The following DTL variants were observed in gnomAD, a reference collection of about 807,000 sequenced individuals.
The protein encoded by DTL is denticleless E3 ubiquitin protein ligase adapter, also known as denticleless protein homolog.
A neutral mutation model predicts 87.0 loss-of-function variants in DTL; 46 were observed. The ratio of observed to expected loss-of-function variants is 0.53; its 90% CI spans 0.42 to 0.68. The LOEUF (loss-of-function observed/expected upper bound fraction) is 0.68, where lower values mean the gene tolerates loss of function less well. DTL is among the 30% of genes least tolerant of loss of function. DTL has a pLI of 0.00. For missense variants in DTL, 737 were observed against 869.4 expected (o/e 0.85, Z 1.91); for synonymous variants, 308 against 311.2 (o/e 0.99, Z 0.11).
intron 8 of DTL, 97 bp from the exon 9 acceptor site, chr1:212,068,127 G>A: frequency 1.4e-6 from 1 of 712,012 alleles, no homozygotes; most frequent in Non-Finnish European, 2.4e-6. Context: ...TAATGTGCCA[G>A]AGGAGTTAGA....
chr1:212,097,026 TG>T (rs113309999), intron 13 of DTL, among the ~76,000 whole-genome samples: 184 of 152,342 alleles, frequency 1.2e-3, no homozygotes, highest in African/African-American at 4.2e-3. Flanking sequence ...TAGCAGTTTT[TG>T]TAAACTATGC....
In DTL at chr1:212,043,016, C is replaced by G; in HGVS notation, c.76C>G (p.Gln26Glu). The G allele has an allele frequency of 1.9e-6, 3 of 1,611,406 alleles. 1 individual carries two copies. Residue 26 changes from glutamine (Q) to glutamate (E), a missense_variant, in exon 2 of 15, where the codon CAA becomes GAA. By Grantham distance (29) the Gln-to-Glu change is conservative (BLOSUM62 2). Coordinates refer to ENST00000366991, the MANE Select transcript of DTL (RefSeq NM_016448.4). ...RNGWSSQYPL[Q>E]SLLTGYQCSG... Reference sequence around the variant, plus strand: ...AGGATGGTCTTCACAATACCCTCTTCAATCCCTTCTGACTGGTTATCAGTG... The same window carrying G: ...AGGATGGTCTTCACAATACCCTCTTGAATCCCTTCTGACTGGTTATCAGTG...
chr1:212,069,840 G>A (rs755219126), intron 10 of DTL, among the ~76,000 whole-genome samples: 17 of 152,042 alleles, frequency 1.1e-4, no homozygotes, highest in Non-Finnish European at 2.2e-4. Flanking sequence ...CACCATGCCC[G>A]GCCCAGAACT....
chr1:212,096,596 A>AT (rs1341004142), intron 13 of DTL, among the ~76,000 whole-genome samples: 2 of 152,124 alleles, frequency 1.3e-5, no homozygotes, highest in African/African-American at 2.4e-5. Flanking sequence ...AGTTCAAAGA[A>AT]TTTTTTTAAT....
chr1:212,072,392 A>G (rs1654700366), intron 11 of DTL, among the ~76,000 whole-genome samples, 179 bp downstream of exon 11: 1 of 152,242 alleles, frequency 6.6e-6, no homozygotes, highest in South Asian at 2.1e-4. Context: ...TACAGAATGT[A>G]TGACACTTTC....
rs142702530 is a variant in DTL at position 212,062,374 on chromosome 1, T to C, written c.461-510T>C. Among the ~76,000 whole-genome samples, 316 of 152,258 alleles carry C rather than the reference T, an allele frequency of 2.1e-3. 2 individuals are homozygous for C. The highest frequency in any genetic ancestry group is 7.4e-3 in the African/African-American group (309 of 41,544). ...ATCCCAGGCAACCTCTTTAACAAACTTCATATGGATCTGGTCCATATTTTT... is the reference window on the plus strand; with the variant it reads ...ATCCCAGGCAACCTCTTTAACAAACCTCATATGGATCTGGTCCATATTTTT... On this transcript the variant is annotated intron_variant, in intron 5 of 14. Transcript: ENST00000366991.
chr1:212,065,541 TAC>T (rs1166819231), intron 7 of DTL, among the ~76,000 whole-genome samples: 2 of 152,122 alleles, frequency 1.3e-5, no homozygotes, highest in African/African-American at 2.4e-5. Flanking sequence ...AAAATCTCTC[TAC>T]ACACACAGAC....
At chr1:212,078,431 T>C (rs1654898008) in intron 12 of DTL, among the ~76,000 whole-genome samples, 169 bp downstream of exon 12, 1 of 152,200 alleles carries the variant, frequency 6.6e-6, no homozygotes, top group African/African-American at 2.4e-5. Context: ...ATTCTGCTTT[T>C]CTCTACCCAT....
chr1:212,065,085 A>T, intron 7 of DTL, 56 bp downstream of exon 7: 1 of 1,239,356 alleles, frequency 8.1e-7, no homozygotes, highest in Non-Finnish European at 1.2e-6. Context: ...GATAGAATAA[A>T]TGGGAGGCTA....
At chr1:212,047,509 A>C in intron 5 of DTL, 92 bp downstream of exon 5, 1 of 1,480,400 alleles carries the variant, frequency 6.8e-7, no homozygotes, top group Non-Finnish European at 9.3e-7. Flanking sequence ...TCCCCTGTCA[A>C]AGTTACTGCT....
At chr1:212,060,816 T>C (rs992396957) in intron 5 of DTL, among the ~76,000 whole-genome samples, 1 of 148,552 alleles carries the variant, frequency 6.7e-6, no homozygotes, top group Non-Finnish European at 1.5e-5. Context: ...GAAGAAAACA[T>C]AGGGAAAACA....
intron 13 of DTL, among the ~76,000 whole-genome samples, chr1:212,081,765 G>A (rs902972750): frequency 2.0e-5 from 3 of 152,294 alleles, no homozygotes; most frequent in African/African-American, 7.2e-5. Flanking sequence ...CAGAGATTTT[G>A]CTTAAGAAGC....
intron 1 of DTL, among the ~76,000 whole-genome samples, chr1:212,037,734 A>G (rs1013443385): frequency 2.6e-5 from 4 of 152,252 alleles, no homozygotes; most frequent in Non-Finnish European, 4.4e-5. Flanking sequence ...GTTTTGGTGT[A>G]TCAGCGAGTG....
chr1:212,069,334 G>A, intron 10 of DTL, among the ~76,000 whole-genome samples: 1 of 151,558 alleles, frequency 6.6e-6, no homozygotes, highest in East Asian at 1.9e-4. Flanking sequence ...GAGTTATTTG[G>A]GTTACATTAT....
At chr1:212,049,851 A>G (rs1667911646) in intron 5 of DTL, among the ~76,000 whole-genome samples, 1 of 152,074 alleles carries the variant, frequency 6.6e-6, no homozygotes, top group South Asian at 2.1e-4. Context: ...AAAATATTGT[A>G]GACATAAAAG....
intron 5 of DTL, among the ~76,000 whole-genome samples, chr1:212,048,766 T>C (rs1337794999): frequency 6.6e-6 from 1 of 152,060 alleles, no homozygotes; most frequent in African/African-American, 2.4e-5. Flanking sequence ...AATCTGACTT[T>C]AATCTCTGAA....
Position 212,044,702 on chromosome 1 carries a change from G to C in DTL, c.221G>C (p.Gly74Ala). ...EHVLAVANEEGFVRLYNTESQ... is the reference protein window; with the variant it reads ...EHVLAVANEEAFVRLYNTESQ... The stretch of plus-strand genomic sequence containing the variant: ...GTACTAGCAGTTGCCAATGAAGAAG[G>C]CTTTGTTCGATTGTATAACACAGAA... The change falls in exon 3 of 15, where the codon GGC becomes GCC. Residue 74 changes from glycine to alanine, a missense_variant. Transcript: ENST00000366991. 1 of 1,613,410 alleles carries C rather than the reference G, an allele frequency of 6.2e-7. No homozygotes were observed. The highest frequency in any genetic ancestry group is 8.5e-7 in the Non-Finnish European group (1 of 1,179,624).
At chr1:212,097,397 A>AT (rs1655481449) in intron 13 of DTL, among the ~76,000 whole-genome samples, 1 of 151,950 alleles carries the variant, frequency 6.6e-6, no homozygotes, top group Admixed American at 6.6e-5. Context: ...CTAGATCTCG[A>AT]GCAAGGCCAG....
intron 1 of DTL, among the ~76,000 whole-genome samples, chr1:212,036,332 T>C (rs1463124234): frequency 6.6e-6 from 1 of 152,168 alleles, no homozygotes; most frequent in African/African-American, 2.4e-5. Flanking sequence ...AGAATCTTAG[T>C]GAGCCCAGCT....
Sources: gnomAD v4.1 joint callset for allele counts (sites outside exome capture counted in the v4.1 genomes callset) on GRCh38, gnomAD v4.1.1 for gene constraint, MANE v1.5 for transcripts, NCBI Gene and HGNC (gene_info 2026-07-23, HGNC 2026-07-21) for gene names.